LINC00305: variants seen among roughly 807,000 people sequenced by gnomAD.
LINC00305 encodes long intergenic non-protein coding RNA 305.
chr18:64,114,714 A>G (rs1332161306), intron 1 of LINC00305, among the ~76,000 whole-genome samples: 3 of 152,056 alleles, frequency 2.0e-5, no homozygotes, highest in Non-Finnish European at 4.4e-5. Flanking sequence ...ACACCCAGCT[A>G]ATTTTTGTAT....
At chr18:64,139,011 C>T (rs1051993011) in intron 1 of LINC00305, among the ~76,000 whole-genome samples, 3 of 152,194 alleles carry the variant, frequency 2.0e-5, no homozygotes, top group African/African-American at 7.2e-5. Flanking sequence ...CCAGAACCGC[C>T]ACAGGCAACT....
intron 1 of LINC00305, among the ~76,000 whole-genome samples, chr18:64,105,469 A>C (rs1001603126): frequency 6.6e-6 from 1 of 152,172 alleles, no homozygotes; most frequent in Non-Finnish European, 1.5e-5. Flanking sequence ...AAAACAAACA[A>C]ACAAACAAAA....
At chr18:64,094,902 G>A in intron 3 of LINC00305, among the ~76,000 whole-genome samples, 1 of 108,648 alleles carries the variant, frequency 9.2e-6, no homozygotes, top group Non-Finnish European at 1.9e-5. Context: ...TAAAATAAAA[G>A]AATTTCTTTC....
chr18:64,089,904 A>G (rs1023318597), intron 3 of LINC00305, among the ~76,000 whole-genome samples: 1 of 152,124 alleles, frequency 6.6e-6, no homozygotes, highest in Non-Finnish European at 1.5e-5. Context: ...TGTTTCAATT[A>G]CCTCCCACCA....
intron 1 of LINC00305, among the ~76,000 whole-genome samples, chr18:64,117,882 G>C (rs959127831): frequency 2.6e-5 from 4 of 152,176 alleles, no homozygotes; most frequent in African/African-American, 7.2e-5. Context: ...GATCCACGAT[G>C]TCAGGTGTAT....
chr18:64,084,889 A>G (rs2144891415), intron 3 of LINC00305, among the ~76,000 whole-genome samples: 1 of 152,348 alleles, frequency 6.6e-6, no homozygotes, highest in South Asian at 2.1e-4. Flanking sequence ...CTACTCTTCA[A>G]AGCTTCATCT....
At chr18:64,143,169 T>A (rs1269010563) in intron 1 of LINC00305, among the ~76,000 whole-genome samples, 1 of 152,156 alleles carries the variant, frequency 6.6e-6, no homozygotes, top group African/African-American at 2.4e-5. Context: ...TTGGGTTATG[T>A]GGTTATAATA....
intron 1 of LINC00305, among the ~76,000 whole-genome samples, chr18:64,129,276 T>A (rs1047041570): frequency 6.6e-6 from 1 of 152,164 alleles, no homozygotes; most frequent in Non-Finnish European, 1.5e-5. Flanking sequence ...TGCAAGCTAT[T>A]TGATGTGTCT....
At chr18:64,140,493 G>A (rs2051457083) in intron 1 of LINC00305, among the ~76,000 whole-genome samples, 1 of 152,176 alleles carries the variant, frequency 6.6e-6, no homozygotes, top group Non-Finnish European at 1.5e-5. Flanking sequence ...ACAGGTGTGA[G>A]CCACCGCACC....
intron 1 of LINC00305, among the ~76,000 whole-genome samples, chr18:64,115,115 G>A (rs1439421971): frequency 1.3e-5 from 2 of 152,150 alleles, no homozygotes; most frequent in Non-Finnish European, 1.5e-5. Flanking sequence ...GAAATTTAGG[G>A]GAGGCTCTGA....
At chr18:64,134,107 T>C (rs1333725067) in intron 1 of LINC00305, among the ~76,000 whole-genome samples, 1 of 152,200 alleles carries the variant, frequency 6.6e-6, no homozygotes. Context: ...TCTTAAATTA[T>C]GGAAGATTAG....
In LINC00305 at chr18:64,096,494, A is replaced by G. The variant is rs537878050; in HGVS notation, n.540+1340T>C. On this transcript the variant is annotated intron_variant and non_coding_transcript_variant, in intron 3 of 3. Coordinates refer to ENST00000666468, the Ensembl canonical transcript of LINC00305. ...AAATAGTAAAACCAGAAATAGGTAC[A>G]TATACAGAAGTTTATAGTGTATAAT... Among the ~76,000 whole-genome samples the G allele has an allele frequency of 3.3e-5, 5 of 151,846 alleles. No homozygotes were observed. In the South Asian group the frequency reaches 8.3e-4, roughly 25 times the overall value.
intron 3 of LINC00305, among the ~76,000 whole-genome samples, chr18:64,082,599 T>A (rs1440262138): frequency 2.0e-5 from 3 of 152,352 alleles, no homozygotes; most frequent in Admixed American, 6.5e-5. Context: ...TGCACAAAGC[T>A]TAACCAGGAA....
intron 1 of LINC00305, among the ~76,000 whole-genome samples, chr18:64,129,152 G>A (rs754900015): frequency 2.6e-4 from 40 of 151,942 alleles, no homozygotes; most frequent in Non-Finnish European, 5.9e-5. Context: ...AAACTAAAAG[G>A]CTCTTGTTTC....
intron 1 of LINC00305, among the ~76,000 whole-genome samples, chr18:64,100,172 G>T (rs1395658999): frequency 6.6e-6 from 1 of 151,742 alleles, no homozygotes; most frequent in Non-Finnish European, 1.5e-5. Context: ...GGAGATGGTT[G>T]TTATGACAGG....
At chr18:64,093,591 C>T (rs1011625214) in intron 3 of LINC00305, among the ~76,000 whole-genome samples, 5 of 152,198 alleles carry the variant, frequency 3.3e-5, no homozygotes, top group South Asian at 2.1e-4. Context: ...ACCTTGGCCT[C>T]CCAAAGTGCT....
At chr18:64,124,516 C>T (rs2051376534) in intron 1 of LINC00305, among the ~76,000 whole-genome samples, 1 of 152,072 alleles carries the variant, frequency 6.6e-6, no homozygotes, top group Non-Finnish European at 1.5e-5. Flanking sequence ...TGTTGCCAAA[C>T]TGATTAAATT....
At chr18:64,133,682 T>C (rs891035834) in intron 1 of LINC00305, among the ~76,000 whole-genome samples, 1 of 152,190 alleles carries the variant, frequency 6.6e-6, no homozygotes. Flanking sequence ...GATGTTTTTT[T>C]CCTTACATAC....
At chr18:64,133,171 G>C (rs8093698) in intron 1 of LINC00305, among the ~76,000 whole-genome samples, 2 of 152,124 alleles carry the variant, frequency 1.3e-5, no homozygotes, top group Non-Finnish European at 1.5e-5. Context: ...TAGGAGATGA[G>C]GTGCCAGTGG....
Sources: allele counts gnomAD v4.1 joint callset (sites outside exome capture counted in the v4.1 genomes callset), GRCh38; gene constraint gnomAD v4.1.1; transcripts MANE v1.5; gene names NCBI Gene and HGNC (gene_info 2026-07-23, HGNC 2026-07-21).